The following BAZ2B variants were observed in gnomAD, a reference collection of about 807,000 sequenced individuals.
BAZ2B encodes the protein bromodomain adjacent to zinc finger domain 2B.
A neutral mutation model predicts 246.0 loss-of-function variants in BAZ2B; 91 were observed. The ratio of observed to expected loss-of-function variants is 0.37; its 90% confidence interval spans 0.31 to 0.44. BAZ2B has a LOEUF of 0.44. Among genes scored for constraint, BAZ2B ranks in the 20% least tolerant of loss-of-function variants. The pLI is 1.00. For missense variants in BAZ2B, 2,332 were observed against 2,533.7 expected (o/e 0.92, Z 1.71); for synonymous variants, 855 against 860.0 (o/e 0.99, Z 0.10).
chr2:159,543,416 CT>C (rs1489598776), intron 2 of BAZ2B, among the ~76,000 whole-genome samples: 1 of 151,022 alleles, frequency 6.6e-6, no homozygotes, highest in African/African-American at 2.4e-5. Context: ...AATGAATATA[CT>C]TTTTTTTTCT....
intron 2 of BAZ2B, among the ~76,000 whole-genome samples, chr2:159,501,574 C>A (rs952995422): frequency 1.3e-5 from 2 of 151,914 alleles, no homozygotes; most frequent in African/African-American, 4.8e-5. Flanking sequence ...TGACCATTAC[C>A]ATGATTTTAC....
chr2:159,337,483 G>C, intron 32 of BAZ2B, 84 bp downstream of exon 32: 1 of 1,611,372 alleles, frequency 6.2e-7, no homozygotes, highest in Non-Finnish European at 8.5e-7. Flanking sequence ...ACCACTAACG[G>C]ATGGTGCAGG....
intron 3 of BAZ2B, chr2:159,464,193 T>A (rs2076762586): frequency 6.6e-6 from 1 of 152,196 alleles, no homozygotes; most frequent in African/African-American, 2.4e-5. Flanking sequence ...AAGAATTTAT[T>A]CAGATTTAAT....
the BAZ2B span, among the ~76,000 whole-genome samples, chr2:159,651,405 T>A: frequency 9.2e-5 from 14 of 152,302 alleles, no homozygotes; most frequent in Non-Finnish European, 1.6e-4. Context: ...CCCGGCTCTC[T>A]CCTTAGTGTT....
intron 2 of BAZ2B, among the ~76,000 whole-genome samples, chr2:159,550,414 G>C (rs1404379043): frequency 6.6e-6 from 1 of 152,136 alleles, no homozygotes; most frequent in Non-Finnish European, 1.5e-5. Context: ...CAAGGAGGAA[G>C]GGGGCGAAAA....
At chr2:159,551,731 C>T (rs1415703521) in intron 2 of BAZ2B, among the ~76,000 whole-genome samples, 1 of 152,072 alleles carries the variant, frequency 6.6e-6, no homozygotes, top group Non-Finnish European at 1.5e-5. Flanking sequence ...AAGAACTGAT[C>T]ACAAAACAGA....
chr2:159,550,126 G>C (rs1252796682), intron 2 of BAZ2B, among the ~76,000 whole-genome samples: 2 of 152,106 alleles, frequency 1.3e-5, no homozygotes, highest in Non-Finnish European at 2.9e-5. Context: ...AAAAAGGCGT[G>C]AGCCACCGCA....
chr2:159,623,150 AGAAGGAGGGAGGAGG>A, the BAZ2B span, among the ~76,000 whole-genome samples: 1 of 150,924 alleles, frequency 6.6e-6, no homozygotes, highest in South Asian at 2.1e-4. Flanking sequence ...ATAAAAGGAA[AGAAGGAGGGAGGAGG>A]GAAGGAGGGA....
chr2:159,494,276 T>A (rs2151043894), intron 2 of BAZ2B, among the ~76,000 whole-genome samples: 1 of 152,244 alleles, frequency 6.6e-6, no homozygotes, highest in South Asian at 2.1e-4. Context: ...CATAAAAAAA[T>A]GAAATATTCT....
intron 8 of BAZ2B, among the ~76,000 whole-genome samples, chr2:159,436,054 C>T (rs924618448): frequency 6.6e-6 from 1 of 152,156 alleles, no homozygotes; most frequent in Admixed American, 6.5e-5. Context: ...AAAATTCTTA[C>T]ATAAAATACT....
At chr2:159,625,927 C>G in the BAZ2B span, among the ~76,000 whole-genome samples, 1 of 151,786 alleles carries the variant, frequency 6.6e-6, no homozygotes, top group African/African-American at 2.4e-5. Context: ...ATTCAGGAGA[C>G]CCATCTCACA....
At chr2:159,583,865 G>T (rs561842992) in intron 1 of BAZ2B, among the ~76,000 whole-genome samples, 1 of 152,114 alleles carries the variant, frequency 6.6e-6, no homozygotes, top group African/African-American at 2.4e-5. Context: ...AGGATGTTAA[G>T]AACAAGCTAT....
At chr2:159,519,210 CTTTTTTTTTTTT>C (rs564614568) in intron 2 of BAZ2B, among the ~76,000 whole-genome samples, 6 of 57,770 alleles carry the variant, frequency 1.0e-4, no homozygotes, top group South Asian at 7.0e-4. Flanking sequence ...ATTCTATTTT[CTTTTTTTTTTTT>C]TTTTTTTTTT....
the BAZ2B span, among the ~76,000 whole-genome samples, chr2:159,702,330 T>A: frequency 6.6e-6 from 1 of 152,294 alleles, no homozygotes; most frequent in South Asian, 2.1e-4. Context: ...CAGACAAGAG[T>A]AAACACTAGC....
chr2:159,415,056 T>C (rs1179586522), intron 13 of BAZ2B, among the ~76,000 whole-genome samples: 1 of 152,060 alleles, frequency 6.6e-6, no homozygotes, highest in Non-Finnish European at 1.5e-5. Context: ...AAACTTATGA[T>C]GGGTACAAGG....
intron 9 of BAZ2B, among the ~76,000 whole-genome samples, chr2:159,431,476 A>C (rs2071098916): frequency 6.6e-6 from 1 of 152,244 alleles, no homozygotes; most frequent in African/African-American, 2.4e-5. Flanking sequence ...AGAGGGGATT[A>C]AATTGACTGT....
At chr2:159,417,672 A>C (rs1307368067) in intron 13 of BAZ2B, among the ~76,000 whole-genome samples, 2 of 152,228 alleles carry the variant, frequency 1.3e-5, no homozygotes, top group Non-Finnish European at 2.9e-5. Flanking sequence ...TAAATCTGTA[A>C]TATATTATAA....
the BAZ2B span, among the ~76,000 whole-genome samples, chr2:159,643,541 C>T: frequency 0.063 from 9,649 of 152,112 alleles, 400 homozygotes; most frequent in Middle Eastern, 0.14. Context: ...CTTGGTCCCC[C>T]GTAATTCATA....
In BAZ2B at chr2:159,373,104, C is replaced by T. The variant is rs1173520010; in HGVS notation, c.4154G>A (p.Arg1385Gln). 8 of 1,613,996 alleles carry T rather than the reference C, an allele frequency of 5.0e-6. No individual in the cohort carries two copies. Among genetic ancestry groups the T allele is most frequent in the Admixed American group, 1.7e-5 (1 of 60,020 alleles). ...CCCACATTGGGGAAGAATCCAGTAC[C>T]GGCGTCTGTAACGATCTTGGCCAAA... is the stretch of plus-strand genomic sequence containing the variant. ...VMFGQDRYRR[R>Q]YWILPQCGGI... The change falls in exon 27 of 37, where the codon CGG (arginine) becomes CAG (glutamine). Residue 1385 changes from arginine (R) to glutamine (Q), a missense_variant. Around this residue, in one of 9 missense-constraint regions of BAZ2B, gnomAD observed 676 missense variants for 668.6 expected, o/e 1.01. Coordinates refer to ENST00000392783, the MANE Select transcript of BAZ2B (RefSeq NM_013450.4).
Sources: gnomAD v4.1 joint callset for allele counts (sites outside exome capture counted in the v4.1 genomes callset) on GRCh38, gnomAD v4.1.1 for gene constraint, gnomAD v4.1.1 regional missense constraint, MANE v1.5 for transcripts, NCBI Gene and HGNC (gene_info 2026-07-23, HGNC 2026-07-21) for gene names.